DSC3: variants seen among roughly 807,000 people sequenced by gnomAD.
DSC3 encodes the protein desmocollin 3, also known as desmocollin-3.
In DSC3, 97 loss-of-function variants were observed where a neutral mutation model predicts 89.5. That is an observed-to-expected ratio of 1.08 (90% CI 0.92 to 1.28). The LOEUF (loss-of-function observed/expected upper bound fraction) is 1.28. Among genes scored for constraint, DSC3 ranks in the 50% most tolerant of loss-of-function variants. The pLI is 0.00. For missense variants in DSC3, 1,199 were observed against 1,085.3 expected (o/e 1.10, Z -1.47); for synonymous variants, 436 against 384.1 (o/e 1.14, Z -1.58).
intron 4 of DSC3, among the ~76,000 whole-genome samples, chr18:31,027,808 G>A (rs976610859): frequency 7.2e-5 from 11 of 151,994 alleles, no homozygotes; most frequent in Non-Finnish European, 1.0e-4. Context: ...TCAGCCCTAC[G>A]GACAATTCTG....
chr18:31,030,876 G>T, intron 3 of DSC3, 97 bp downstream of exon 3: 1 of 1,117,640 alleles, frequency 8.9e-7, no homozygotes, highest in East Asian at 2.6e-5. Context: ...AAAACAAAAG[G>T]GGAAAATACC....
At position 30,992,177 on chromosome 18, in the gene DSC3, G is replaced by C. The variant is rs1391045726; in HGVS notation, c.*1998C>G. The C allele has an allele frequency of 6.2e-4, 2 of 3,250 alleles. No individual in the cohort carries two copies. The highest frequency in any genetic ancestry group is 1.1e-3 in the Non-Finnish European group (2 of 1,846). 0.2% of individuals were successfully genotyped at this position (3,250 alleles called of 1,614,324 possible). On this transcript the variant is annotated 3_prime_UTR_variant, in exon 16 of 16. Transcript: ENST00000360428. ...CGAGACTCCGTCTCAAAAAAAAAAG[G>C]GGGGGGGGGGGGCAATAAAAAGTCT...
At chr18:31,009,122 C>A (rs1056793828) in intron 9 of DSC3, among the ~76,000 whole-genome samples, 1 of 152,176 alleles carries the variant, frequency 6.6e-6, no homozygotes. Context: ...GCAATCTTGG[C>A]TTACTGCAAC....
chr18:31,011,715 A>G (rs1380074851), intron 9 of DSC3, among the ~76,000 whole-genome samples: 2 of 152,084 alleles, frequency 1.3e-5, no homozygotes, highest in African/African-American at 4.8e-5. Context: ...TAAAGATGCC[A>G]GGCACGGTGG....
At chr18:31,011,053 T>C (rs1330726727) in intron 9 of DSC3, among the ~76,000 whole-genome samples, 1 of 152,208 alleles carries the variant, frequency 6.6e-6, no homozygotes, top group Non-Finnish European at 1.5e-5. Flanking sequence ...AGAGGCCAAC[T>C]TTCCAAGATC....
At chr18:31,033,869 T>A (rs1169607836) in intron 1 of DSC3, among the ~76,000 whole-genome samples, 1 of 152,126 alleles carries the variant, frequency 6.6e-6, no homozygotes. Flanking sequence ...TGTCGCCCAG[T>A]CTGGAGTGCA....
chr18:31,011,882 G>A lies in DSC3; in HGVS notation c.1264-3357C>T, dbSNP rs148889275. 1.2e-3 allele frequency among the ~76,000 whole-genome samples: 169 copies of A among 144,668 alleles called. 5 individuals carry two copies. The East Asian group carries it at 0.029, about 25-fold the overall frequency. 94.9% of individuals were successfully genotyped at this position (144,668 alleles called of 152,430 possible). A position where few individuals can be genotyped will look rare whatever the true frequency, so the allele number is the denominator to read the frequency against. On this transcript the variant is annotated intron_variant, in intron 9 of 15. Coordinates refer to ENST00000360428, the MANE Select transcript of DSC3 (RefSeq NM_001941.5). The stretch of plus-strand genomic sequence containing the variant: ...GAGGCATGCGCCTGTAGTCCCAGCT[G>A]CTTGGGAGGCTGAGGCAGGAGAATT...
intron 6 of DSC3, among the ~76,000 whole-genome samples, chr18:31,023,387 G>C (rs1346934595): frequency 6.6e-6 from 1 of 151,990 alleles, no homozygotes; most frequent in Admixed American, 6.6e-5. Context: ...TGCTTTAGTG[G>C]CCATTTTATT....
rs1342523052 is a variant in DSC3 at position 30,992,119 on chromosome 18, CG to C, written c.*2055del. 9.1e-5 allele frequency: 12 copies of C among 131,670 alleles called. No homozygotes were observed. Among genetic ancestry groups the C allele is most frequent in the Admixed American group, 4.7e-4 (5 of 10,748 alleles). The allele number at this position is 131,670 out of a possible 1,614,324, so 8.2% of individuals were successfully genotyped here. ...GGCGGAGCTTTCAGTGAGCAGAGAT[CG>C]GAGCCACTGCACTCCAGCCTGTGCG... On this transcript the variant is annotated 3_prime_UTR_variant, in exon 16 of 16. Coordinates refer to ENST00000360428, the MANE Select transcript of DSC3 (RefSeq NM_001941.5).
intron 9 of DSC3, among the ~76,000 whole-genome samples, chr18:31,011,730 C>T (rs561127814): frequency 2.1e-4 from 32 of 152,022 alleles, no homozygotes; most frequent in Non-Finnish European, 3.5e-4. Flanking sequence ...CGGTGGCTCA[C>T]GTCTGTAATC....
chr18:31,030,387 A>G (rs921133308), intron 3 of DSC3, among the ~76,000 whole-genome samples: 1 of 152,232 alleles, frequency 6.6e-6, no homozygotes, highest in African/African-American at 2.4e-5. Flanking sequence ...TAGCTTTATT[A>G]TTGATACAGT....
chr18:31,015,611 A>G (rs1985209942), intron 9 of DSC3, among the ~76,000 whole-genome samples: 1 of 152,226 alleles, frequency 6.6e-6, no homozygotes, highest in African/African-American at 2.4e-5. Flanking sequence ...AACCTCTGAT[A>G]TTAAATAATA....
At chr18:31,002,900 T>C in intron 13 of DSC3, among the ~76,000 whole-genome samples, 1 of 152,154 alleles carries the variant, frequency 6.6e-6, no homozygotes, top group East Asian at 1.9e-4. Context: ...ATATATACTA[T>C]CTAATCCTTT....
intron 7 of DSC3, 85 bp from the exon 8 acceptor site, chr18:31,018,885 C>T: frequency 8.7e-7 from 1 of 1,154,790 alleles, no homozygotes; most frequent in Non-Finnish European, 1.2e-6. Context: ...CTCACTCACT[C>T]ACATACACAC....
intron 3 of DSC3, among the ~76,000 whole-genome samples, chr18:31,030,225 T>G (rs1461004147): frequency 6.6e-6 from 1 of 152,212 alleles, no homozygotes; most frequent in Non-Finnish European, 1.5e-5. Flanking sequence ...ACAGTGCAGA[T>G]AGTGCCATCT....
chr18:30,998,658 G>A (rs1430957702), intron 14 of DSC3, among the ~76,000 whole-genome samples: 1 of 152,130 alleles, frequency 6.6e-6, no homozygotes, highest in Non-Finnish European at 1.5e-5. Flanking sequence ...GGGAGGGTAA[G>A]AGAAACACAG....
chr18:30,993,259 G>T lies in DSC3; in HGVS notation c.*916C>A, dbSNP rs933980621. ...CAAAAAGCAGGGAACCCCAGCTGCA[G>T]CGAGTATTCCCCAGTTTGCTACTAA... On this transcript the variant is annotated 3_prime_UTR_variant, in exon 16 of 16. Transcript: ENST00000360428. 3 of 152,188 alleles carry T rather than the reference G, an allele frequency of 2.0e-5. No homozygotes were observed. The highest frequency in any genetic ancestry group is 7.2e-5 in the African/African-American group (3 of 41,436). 9.4% of individuals were successfully genotyped at this position (152,188 alleles called of 1,614,324 possible).
At chr18:31,028,304 T>A (rs944758227) in intron 4 of DSC3, among the ~76,000 whole-genome samples, 4 of 152,032 alleles carry the variant, frequency 2.6e-5, no homozygotes, top group African/African-American at 7.2e-5. Context: ...AATGGTGTCC[T>A]AGGAGCCAAA....
chr18:31,016,409 A>T (rs924819425), intron 9 of DSC3, among the ~76,000 whole-genome samples: 2 of 152,208 alleles, frequency 1.3e-5, no homozygotes, highest in African/African-American at 4.8e-5. Flanking sequence ...CTGCATCAGG[A>T]GGAAGAGGGG....
Sources: allele counts gnomAD v4.1 joint callset (sites outside exome capture counted in the v4.1 genomes callset), GRCh38; gene constraint gnomAD v4.1.1; transcripts MANE v1.5; gene names NCBI Gene and HGNC (gene_info 2026-07-23, HGNC 2026-07-21).